The following IP6K2 variants were observed in gnomAD, a reference collection of about 807,000 sequenced individuals.
IP6K2 encodes the protein ATP:1D-myo-inositol-hexakisphosphate phosphotransferase.
In IP6K2, 9 loss-of-function variants were observed where a neutral mutation model predicts 43.3. The ratio of observed to expected loss-of-function variants is 0.21; its 90% CI spans 0.13 to 0.36. IP6K2 has a LOEUF of 0.36. IP6K2 is among the 10% of genes least tolerant of loss of function. IP6K2 has a pLI of 1.00. For missense variants in IP6K2, 332 were observed against 538.4 expected, an observed-to-expected ratio of 0.62 and a Z score of 3.79; for synonymous variants, 209 against 202.4, an observed-to-expected ratio of 1.03 and a Z score of -0.28.
At position 48,717,154 on chromosome 3, in the gene IP6K2, T is replaced by C. The variant is rs1261328474; in HGVS notation, c.-131+3A>G. Reference sequence around the variant, plus strand: ...CACTAGGGCCATAGGACGCGAGCTTTACCTGCCGCCTCAGCCGGGTTCCTC... The same window carrying C: ...CACTAGGGCCATAGGACGCGAGCTTCACCTGCCGCCTCAGCCGGGTTCCTC... On this transcript the variant is annotated splice_donor_region_variant and intron_variant, in intron 1 of 5. Transcript: ENST00000328631. The C allele has an allele frequency of 6.5e-6, 1 of 154,814 alleles. No individual in the cohort carries two copies. Among genetic ancestry groups the C allele is most frequent in the Non-Finnish European group, 1.5e-5 (1 of 68,228 alleles). 9.6% of individuals were successfully genotyped at this position (154,814 alleles called of 1,614,324 possible).
chr3:48,714,027 G>C (rs548211064), intron 1 of IP6K2, among the ~76,000 whole-genome samples: 1 of 151,776 alleles, frequency 6.6e-6, no homozygotes, highest in Non-Finnish European at 1.5e-5. Flanking sequence ...TGAGGCAGGA[G>C]AATCGGTTGA....
At chr3:48,694,196 A>T in intron 2 of IP6K2, 1 of 1,551,248 alleles carries the variant, frequency 6.4e-7, no homozygotes, top group Non-Finnish European at 8.7e-7. Context: ...CAGGGGAAAA[A>T]ATGGGGCAGG....
At chr3:48,716,060 T>A (rs2081161678) in intron 1 of IP6K2, among the ~76,000 whole-genome samples, 1 of 152,202 alleles carries the variant, frequency 6.6e-6, no homozygotes, top group African/African-American at 2.4e-5. Context: ...CTTTAAATAC[T>A]TAACACCCAA....
At chr3:48,708,442 G>C in intron 1 of IP6K2, among the ~76,000 whole-genome samples, 1 of 151,842 alleles carries the variant, frequency 6.6e-6, no homozygotes, top group Non-Finnish European at 1.5e-5. Flanking sequence ...TGTTGCCCAG[G>C]CTGGCCTCAA....
chr3:48,698,055 C>G (rs1362491019), intron 1 of IP6K2, among the ~76,000 whole-genome samples: 1 of 152,044 alleles, frequency 6.6e-6, no homozygotes, highest in African/African-American at 2.4e-5. Flanking sequence ...CAGGAAGGCA[C>G]GTATTGAGAA....
intron 4 of IP6K2, among the ~76,000 whole-genome samples, chr3:48,690,112 C>T (rs1037569118): frequency 7.2e-5 from 11 of 152,226 alleles, no homozygotes; most frequent in Admixed American, 7.2e-4. Context: ...AGTATAAACT[C>T]ATGAAAATAC....
At chr3:48,716,090 C>T (rs910365168) in intron 1 of IP6K2, among the ~76,000 whole-genome samples, 7 of 152,184 alleles carry the variant, frequency 4.6e-5, no homozygotes, top group African/African-American at 1.7e-4. Flanking sequence ...TGCAATTATA[C>T]AAACCCCACA....
intron 1 of IP6K2, among the ~76,000 whole-genome samples, chr3:48,702,449 C>CCTTTT (rs1559540441): frequency 6.8e-6 from 1 of 147,026 alleles, no homozygotes. Context: ...GTCACCCCCC[C>CCTTTT]TTTTTTTTTT....
At chr3:48,715,096 T>C (rs1479490674) in intron 1 of IP6K2, among the ~76,000 whole-genome samples, 1 of 152,166 alleles carries the variant, frequency 6.6e-6, no homozygotes, top group East Asian at 1.9e-4. Flanking sequence ...ATTACTTTTA[T>C]TATATGGTAC....
In IP6K2 at chr3:48,695,568, C is replaced by CG; in HGVS notation, c.-130-148dup. The CG allele has an allele frequency of 9.1e-7, 1 of 1,099,348 alleles. No individual in the cohort carries two copies. The highest frequency in any genetic ancestry group is 1.2e-6 in the Non-Finnish European group (1 of 858,180). 68.1% of individuals were successfully genotyped at this position (1,099,348 alleles called of 1,614,324 possible). A position where few individuals can be genotyped will look rare whatever the true frequency, so the allele number is the denominator to read the frequency against. The stretch of plus-strand genomic sequence containing the variant: ...CGCCCATGCCACCCACCTTGGCCCC[C>CG]GCCTTCTCCGGCAGAAAAACAAAAA... On this transcript the variant is annotated intron_variant, in intron 1 of 5. Coordinates refer to ENST00000328631, the MANE Select transcript of IP6K2 (RefSeq NM_016291.4). The surrounding 1 kb of genome is among the most constrained non-coding windows in gnomAD (Gnocchi z 4.6).
chr3:48,691,292 G>T lies in IP6K2; in HGVS notation c.604+15C>A. The T allele has an allele frequency of 1.3e-6, 2 of 1,599,250 alleles. No individual in the cohort carries two copies. The highest frequency in any genetic ancestry group is 1.7e-6 in the Non-Finnish European group (2 of 1,171,284). Reference sequence around the variant, plus strand: ...CTTACCCTCAAATGCAGAGATGCCCGTGAACAAAGGATACTGTACTGGTTC... The same window carrying T: ...CTTACCCTCAAATGCAGAGATGCCCTTGAACAAAGGATACTGTACTGGTTC... On this transcript the variant is annotated intron_variant, in intron 4 of 5. Transcript: ENST00000328631.
At chr3:48,694,066 T>TG in intron 2 of IP6K2, 13 of 1,462,208 alleles carry the variant, frequency 8.9e-6, no homozygotes, top group Non-Finnish European at 1.2e-5. Flanking sequence ...CCTCGACTGC[T>TG]GCAGGGGAAT....
intron 3 of IP6K2, 96 bp from the exon 4 acceptor site, chr3:48,691,578 G>A: frequency 7.5e-6 from 6 of 804,572 alleles, no homozygotes; most frequent in Middle Eastern, 3.7e-4. Flanking sequence ...CACTTTGGGA[G>A]GCCGAGATGG....
intron 2 of IP6K2, chr3:48,694,867 A>C: frequency 2.0e-6 from 3 of 1,537,960 alleles, no homozygotes; most frequent in Non-Finnish European, 2.6e-6. Flanking sequence ...AATCAAACTC[A>C]AATCCACACA....
rs528658183 is a variant in IP6K2, at chr3:48,700,776, T to C, written c.-130-5355A>G. Among the ~76,000 whole-genome samples the C allele has an allele frequency of 2.0e-5, 3 of 152,300 alleles. No individual in the cohort carries two copies. The East Asian group carries it at 5.8e-4, about 29-fold the overall frequency. On this transcript the variant is annotated intron_variant, in intron 1 of 5. Coordinates refer to ENST00000328631, the MANE Select transcript of IP6K2 (RefSeq NM_016291.4). ...ACAAAATGGGATCCACTGGGGCTAC[T>C]TACTCTGGCTTAAGAAAAGCCCCAG...
rs766330061 is a variant in IP6K2, at chr3:48,688,779, GGAGA to G, written c.781-10_781-7del. ...CCACTGCCTGCTTGGTACACCTGTA[GGAGA>G]GAGACCAGCAAGTCAGGGGCTGAGG... On this transcript the variant is annotated splice_polypyrimidine_tract_variant and splice_region_variant and intron_variant, in intron 5 of 5. Coordinates refer to ENST00000328631, the MANE Select transcript of IP6K2 (RefSeq NM_016291.4). This position sits in a 1 kb window ranked among gnomAD's most constrained non-coding sequence, Gnocchi z 5.1. 4 of 1,595,914 alleles carry G rather than the reference GGAGA, an allele frequency of 2.5e-6. No homozygotes were observed. Among genetic ancestry groups the G allele is most frequent in the Admixed American group, 1.7e-5 (1 of 58,808 alleles).
chr3:48,702,792 A>T (rs1025715641), intron 1 of IP6K2, among the ~76,000 whole-genome samples: 1 of 152,142 alleles, frequency 6.6e-6, no homozygotes, highest in Admixed American at 6.5e-5. Context: ...CAAGTTCCAT[A>T]AGGTCAGATT....
chr3:48,694,007 A>AG, intron 2 of IP6K2: 1 of 1,384,400 alleles, frequency 7.2e-7, no homozygotes, highest in Admixed American at 3.5e-5. Flanking sequence ...CTGGCTGAAC[A>AG]CCTTTCCTCC....
intron 1 of IP6K2, among the ~76,000 whole-genome samples, chr3:48,712,174 G>A (rs1286183178): frequency 6.6e-6 from 1 of 151,470 alleles, no homozygotes; most frequent in Non-Finnish European, 1.5e-5. Context: ...CAGGAGGATT[G>A]CTTAATGCCA....
Sources: gnomAD v4.1 joint callset for allele counts (sites outside exome capture counted in the v4.1 genomes callset) on GRCh38, gnomAD v4.1.1 for gene constraint, Gnocchi (gnomAD v3.1) non-coding constraint, MANE v1.5 for transcripts, NCBI Gene and HGNC (gene_info 2026-07-23, HGNC 2026-07-21) for gene names.